STXBP5L: variants seen among roughly 807,000 people sequenced by gnomAD.
The protein encoded by STXBP5L is syntaxin-binding protein 5-like.
Under a neutral mutation model 144.5 loss-of-function variants are expected in STXBP5L, and 65 were observed. That is an observed-to-expected ratio of 0.45 (90% CI 0.37 to 0.55). STXBP5L has a LOEUF of 0.55. STXBP5L is among the 20% of genes least tolerant of loss of function. The pLI is 0.00. For missense variants in STXBP5L, 1,298 were observed against 1,405.5 expected (o/e 0.92, Z 1.22); for synonymous variants, 505 against 469.6 (o/e 1.08, Z -0.97).
chr3:121,407,420 A>G lies in STXBP5L; in HGVS notation c.2765A>G (p.Asp922Gly). Reference sequence around the variant, plus strand: ...TCTTCTGCATCCCAAGAAATAGGAGATCATCAGTATACAATAATCTGCTCA... The same window carrying G: ...TCTTCTGCATCCCAAGAAATAGGAGGTCATCAGTATACAATAATCTGCTCA... ...NSSSASQEIG[D>G]HQYTIICSEK... Residue 922 changes from aspartate to glycine, a missense_variant, in exon 23 of 27, where the codon GAT becomes GGT. By Grantham distance (94) the Asp-to-Gly change is moderately conservative (BLOSUM62 -1). Coordinates refer to ENST00000471454, the MANE Select transcript of STXBP5L (RefSeq NM_001308330.2). 6.2e-7 allele frequency: 1 copy of G among 1,613,184 alleles called. No individual in the cohort carries two copies. The highest frequency in any genetic ancestry group is 1.1e-5 in the South Asian group (1 of 91,060).
chr3:121,272,783 G>A (rs1280687324), intron 18 of STXBP5L, among the ~76,000 whole-genome samples: 1 of 151,876 alleles, frequency 6.6e-6, no homozygotes, highest in Non-Finnish European at 1.5e-5. Flanking sequence ...TACCTACTAT[G>A]TTTCTGTTTT....
chr3:121,382,848 A>G (rs1404145151), intron 22 of STXBP5L, among the ~76,000 whole-genome samples: 1 of 152,212 alleles, frequency 6.6e-6, no homozygotes, highest in East Asian at 1.9e-4. Context: ...CAAAATAAGT[A>G]TAGATTTAAC....
At chr3:121,134,966 T>G (rs1479240576) in intron 7 of STXBP5L, among the ~76,000 whole-genome samples, 1 of 151,866 alleles carries the variant, frequency 6.6e-6, no homozygotes, top group Non-Finnish European at 1.5e-5. Context: ...TTCTAGATCC[T>G]TGAGGAATCG....
rs1323817448 is a variant in STXBP5L at position 121,251,437 on chromosome 3, G to T, written c.1441+674G>T. Among the ~76,000 whole-genome samples, 3 of 152,226 alleles carry T rather than the reference G, an allele frequency of 2.0e-5. No individual in the cohort carries two copies. The East Asian group carries it at 5.8e-4, about 29-fold the overall frequency. On this transcript the variant is annotated intron_variant, in intron 15 of 26. Coordinates refer to ENST00000471454, the MANE Select transcript of STXBP5L (RefSeq NM_001308330.2). ...AATGGGAGAGTCTTATTGAGACCTG[G>T]TAGATCCAGGAAAGGTATTTTGATG...
chr3:121,001,686 G>A (rs1326686766), intron 3 of STXBP5L, among the ~76,000 whole-genome samples: 2 of 152,128 alleles, frequency 1.3e-5, no homozygotes, highest in Non-Finnish European at 2.9e-5. Context: ...AGCTTCGTGG[G>A]GCCAGGAATG....
intron 5 of STXBP5L, among the ~76,000 whole-genome samples, chr3:121,068,991 T>G (rs934531867): frequency 1.2e-4 from 19 of 152,174 alleles, no homozygotes; most frequent in African/African-American, 4.3e-4. Context: ...GTTAATGTCG[T>G]ACATGCACTC....
chr3:121,252,798 G>C (rs916791401), intron 15 of STXBP5L, among the ~76,000 whole-genome samples: 1 of 152,028 alleles, frequency 6.6e-6, no homozygotes, highest in South Asian at 2.1e-4. Context: ...TTATACCTTC[G>C]CTGGGTCCTT....
At chr3:121,007,046 A>G in intron 3 of STXBP5L, among the ~76,000 whole-genome samples, 1 of 152,038 alleles carries the variant, frequency 6.6e-6, no homozygotes, top group Non-Finnish European at 1.5e-5. Flanking sequence ...GCTCTTCTTG[A>G]GGAGTATCTT....
intron 7 of STXBP5L, among the ~76,000 whole-genome samples, chr3:121,141,111 G>T (rs2045483141): frequency 6.6e-6 from 1 of 152,080 alleles, no homozygotes; most frequent in South Asian, 2.1e-4. Context: ...GCAGAAGGAA[G>T]TGTGAAACTT....
At chr3:121,261,423 T>G (rs143765965) in intron 18 of STXBP5L, among the ~76,000 whole-genome samples, 1 of 152,334 alleles carries the variant, frequency 6.6e-6, no homozygotes, top group African/African-American at 2.4e-5. Flanking sequence ...CATCTCATTT[T>G]ATGGCCAACA....
intron 19 of STXBP5L, among the ~76,000 whole-genome samples, chr3:121,315,133 G>A (rs906194461): frequency 6.6e-6 from 1 of 152,040 alleles, no homozygotes; most frequent in East Asian, 1.9e-4. Context: ...TCCCATTACT[G>A]GGTATATACC....
intron 3 of STXBP5L, among the ~76,000 whole-genome samples, chr3:121,033,975 A>G (rs538796754): frequency 6.6e-6 from 1 of 152,214 alleles, no homozygotes; most frequent in African/African-American, 2.4e-5. Flanking sequence ...GTTTTTAAAA[A>G]TTGATTCTAT....
At chr3:121,059,945 T>C (rs1454483205) in intron 5 of STXBP5L, among the ~76,000 whole-genome samples, 14 of 152,226 alleles carry the variant, frequency 9.2e-5, no homozygotes, top group Admixed American at 2.0e-4. Context: ...CCTCTCTTCC[T>C]ATTTGAATAC....
chr3:121,129,252 T>C (rs1282543042), intron 7 of STXBP5L, among the ~76,000 whole-genome samples: 1 of 151,974 alleles, frequency 6.6e-6, no homozygotes, highest in Non-Finnish European at 1.5e-5. Flanking sequence ...TAGAGGCACA[T>C]AGTGGGAAAG....
chr3:120,974,533 G>A (rs1273741548), intron 3 of STXBP5L, among the ~76,000 whole-genome samples: 4 of 151,994 alleles, frequency 2.6e-5, no homozygotes, highest in Admixed American at 1.3e-4. Flanking sequence ...CTGTGCAGAA[G>A]CTCTTTAGTT....
intron 20 of STXBP5L, among the ~76,000 whole-genome samples, chr3:121,352,253 GAATCT>G (rs2045319161): frequency 6.6e-6 from 1 of 152,092 alleles, no homozygotes; most frequent in African/African-American, 2.4e-5. Context: ...GGATGGCATT[GAATCT>G]ATAAATTACC....
intron 20 of STXBP5L, among the ~76,000 whole-genome samples, chr3:121,335,037 G>A (rs1342822859): frequency 2.0e-5 from 3 of 152,134 alleles, no homozygotes; most frequent in Non-Finnish European, 4.4e-5. Context: ...CAGATGACAT[G>A]ATTTTATATC....
chr3:121,407,778 G>T, intron 23 of STXBP5L, 175 bp downstream of exon 23: 13 of 937,466 alleles, frequency 1.4e-5, no homozygotes, highest in Middle Eastern at 3.4e-4. Context: ...GGGGTTTTGT[G>T]TTTTGTTTTG....
At chr3:121,126,945 T>A (rs990591413) in intron 7 of STXBP5L, among the ~76,000 whole-genome samples, 1 of 152,222 alleles carries the variant, frequency 6.6e-6, no homozygotes, top group Non-Finnish European at 1.5e-5. Flanking sequence ...CAATTGTGCC[T>A]CTTTCTCACC....
Sources: allele counts gnomAD v4.1 joint callset (sites outside exome capture counted in the v4.1 genomes callset), GRCh38; gene constraint gnomAD v4.1.1; transcripts MANE v1.5; gene names NCBI Gene and HGNC (gene_info 2026-07-23, HGNC 2026-07-21).